The following FOXP2 variants were observed in gnomAD, a reference collection of about 807,000 sequenced individuals.
FOXP2 encodes the protein forkhead box P2.
FOXP2 carries 12 observed loss-of-function variants against 115.8 expected under a neutral mutation model. The observed-to-expected ratio is 0.10, with a 90% CI of 0.07 to 0.17. FOXP2 has a LOEUF of 0.17. FOXP2 is among the 10% of genes least tolerant of loss of function. FOXP2 has a pLI of 1.00. For missense variants in FOXP2, 629 were observed against 843.5 expected, an observed-to-expected ratio of 0.75 and a Z score of 3.15; for synonymous variants, 328 against 297.7, an observed-to-expected ratio of 1.10 and a Z score of -1.05.
chr7:114,157,373 G>C (rs1301474172), intron 1 of FOXP2, among the ~76,000 whole-genome samples: 1 of 151,956 alleles, frequency 6.6e-6, no homozygotes, highest in Non-Finnish European at 1.5e-5. Flanking sequence ...TGGAGTTAAT[G>C]GTAATTAAAT....
At chr7:114,220,760 A>C (rs1053633761) in intron 1 of FOXP2, among the ~76,000 whole-genome samples, 1 of 152,186 alleles carries the variant, frequency 6.6e-6, no homozygotes, top group Admixed American at 6.5e-5. Context: ...TATGTTAAAT[A>C]CTCACTTTAA....
At chr7:114,342,406 A>G (rs1791240155) in intron 2 of FOXP2, among the ~76,000 whole-genome samples, 1 of 151,414 alleles carries the variant, frequency 6.6e-6, no homozygotes, top group Non-Finnish European at 1.5e-5. Flanking sequence ...TCATATCTTA[A>G]TTCCTGAATA....
intron 1 of FOXP2, among the ~76,000 whole-genome samples, chr7:114,139,923 G>A (rs1792157472): frequency 6.6e-6 from 1 of 151,900 alleles, no homozygotes; most frequent in African/African-American, 2.4e-5. Context: ...GACCAGCCTG[G>A]GCAACATGAT....
intron 1 of FOXP2, among the ~76,000 whole-genome samples, chr7:114,119,289 G>T (rs184991869): frequency 4.1e-4 from 63 of 152,246 alleles, no homozygotes; most frequent in African/African-American, 1.5e-3. Flanking sequence ...AAAACGGGCA[G>T]CTGGAATTAC....
At chr7:114,626,116 A>T (rs1004614381) in intron 3 of FOXP2, among the ~76,000 whole-genome samples, 2 of 151,874 alleles carry the variant, frequency 1.3e-5, no homozygotes, top group Admixed American at 6.6e-5. Context: ...GAATGATTTC[A>T]TGGTTATATT....
intron 7 of FOXP2, among the ~76,000 whole-genome samples, 189 bp downstream of exon 7, chr7:114,642,812 A>ATATTTT (rs1308357594): frequency 5.5e-5 from 4 of 72,438 alleles, no homozygotes; most frequent in African/African-American, 2.1e-4. Context: ...ATATATATAT[A>ATATTTT]TTTTTTTTTT....
intron 2 of FOXP2, among the ~76,000 whole-genome samples, chr7:114,464,034 A>G (rs948949693): frequency 1.3e-5 from 2 of 152,210 alleles, no homozygotes; most frequent in Admixed American, 6.5e-5. Context: ...AACAGAATCC[A>G]TAGAGAAAGG....
intron 13 of FOXP2, 106 bp downstream of exon 13, chr7:114,659,779 C>A: frequency 4.7e-6 from 4 of 846,034 alleles, no homozygotes; most frequent in Non-Finnish European, 8.1e-6. Context: ...TGCTTCCCCT[C>A]TTTTTAACCT....
intron 16 of FOXP2, among the ~76,000 whole-genome samples, chr7:114,680,787 CA>C (rs1808048341): frequency 6.6e-6 from 1 of 150,578 alleles, no homozygotes; most frequent in South Asian, 2.1e-4. Flanking sequence ...GCATAAATTT[CA>C]AAAGAAAGTA....
intron 1 of FOXP2, among the ~76,000 whole-genome samples, chr7:114,173,928 G>A (rs1030729016): frequency 2.0e-5 from 3 of 151,582 alleles, no homozygotes; most frequent in Non-Finnish European, 4.4e-5. Context: ...TGCAGACCTG[G>A]GTTCAAATGT....
At chr7:114,628,203 T>G (rs1306460152) in intron 3 of FOXP2, among the ~76,000 whole-genome samples, 1 of 152,110 alleles carries the variant, frequency 6.6e-6, no homozygotes, top group Admixed American at 6.5e-5. Context: ...ACAGTGACAT[T>G]GATGAGATGA....
intron 2 of FOXP2, among the ~76,000 whole-genome samples, chr7:114,325,396 T>A (rs2129182032): frequency 6.6e-6 from 1 of 152,030 alleles, no homozygotes; most frequent in African/African-American, 2.4e-5. Flanking sequence ...CTAAAAAATG[T>A]ACAAAATATA....
intron 3 of FOXP2, among the ~76,000 whole-genome samples, chr7:114,567,581 TA>T (rs961009322): frequency 5.3e-5 from 8 of 152,146 alleles, no homozygotes; most frequent in African/African-American, 1.9e-4. Context: ...TTTTCACTCT[TA>T]AAAGATTCTT....
chr7:114,307,454 C>A lies in FOXP2; in HGVS notation c.-11+19345C>A, dbSNP rs188249880. ...ATACACTGATATTTAGTGTCATTACCAATAATTGCAGGGGGAAACAGGTGG... is the reference window on the plus strand; with the variant it reads ...ATACACTGATATTTAGTGTCATTACAAATAATTGCAGGGGGAAACAGGTGG... On this transcript the variant is annotated intron_variant, in intron 2 of 17. Transcript: ENST00000634411. Among the ~76,000 whole-genome samples, 33 of 152,192 alleles carry A rather than the reference C, an allele frequency of 2.2e-4. No homozygotes were observed. The East Asian group carries it at 5.2e-3, about 24-fold the overall frequency.
intron 3 of FOXP2, among the ~76,000 whole-genome samples, chr7:114,591,569 A>G (rs763706071): frequency 1.6e-4 from 25 of 151,868 alleles, no homozygotes; most frequent in Non-Finnish European, 2.9e-4. Context: ...ACTACCAGAG[A>G]TCTCAGACTC....
intron 1 of FOXP2, among the ~76,000 whole-genome samples, chr7:114,249,243 C>T (rs1204767416): frequency 6.6e-6 from 1 of 152,060 alleles, no homozygotes; most frequent in Non-Finnish European, 1.5e-5. Context: ...GGTACATGTG[C>T]AGGATGTACA....
At chr7:114,602,510 T>A (rs1478804121) in intron 3 of FOXP2, among the ~76,000 whole-genome samples, 1 of 152,046 alleles carries the variant, frequency 6.6e-6, no homozygotes, top group Non-Finnish European at 1.5e-5. Context: ...TACTTTGAAT[T>A]TAGTCACAAG....
At chr7:114,593,859 T>G (rs1421140225) in intron 3 of FOXP2, among the ~76,000 whole-genome samples, 1 of 152,008 alleles carries the variant, frequency 6.6e-6, no homozygotes, top group Admixed American at 6.6e-5. Flanking sequence ...ATGCTAAAAA[T>G]GTATAGACGC....
In FOXP2 at chr7:114,130,443, G is replaced by A. The variant is rs544710800; in HGVS notation, c.-246-32501G>A. On this transcript the variant is annotated intron_variant, in intron 1 of 19. Transcript: ENST00000635638. ...AAAGTGTTCATTTTCCTCATTATTT[G>A]TGTAGGTTTTCTTTTCGTTTATGAT... Among the ~76,000 whole-genome samples, 4 of 152,276 alleles carry A rather than the reference G, an allele frequency of 2.6e-5. No homozygotes were observed. The East Asian group carries it at 5.8e-4, about 22-fold the overall frequency.
Sources: allele counts gnomAD v4.1 joint callset (sites outside exome capture counted in the v4.1 genomes callset), GRCh38; gene constraint gnomAD v4.1.1; transcripts MANE v1.5; gene names NCBI Gene and HGNC (gene_info 2026-07-23, HGNC 2026-07-21).